The following ANK3 variants were observed in gnomAD, a reference collection of about 807,000 sequenced individuals.
ANK3 encodes ankyrin-3.
Under a neutral mutation model 370.9 loss-of-function variants are expected in ANK3, and 57 were observed. The ratio of observed to expected loss-of-function variants is 0.15; its 90% CI spans 0.12 to 0.19. The LOEUF (loss-of-function observed/expected upper bound fraction) is 0.19. ANK3 is among the 10% of genes least tolerant of loss of function. The probability of loss-of-function intolerance (pLI) is 1.00; values close to 1 mark genes in which losing one functional copy is unlikely to be tolerated. For synonymous variants in ANK3, 1,929 were observed against 1,946.3 expected (o/e 0.99, Z 0.23); for missense variants, 4,439 against 5,302.1 (o/e 0.84, Z 5.06).
At chr10:60,729,693 T>A (rs995723242) in intron 1 of ANK3, among the ~76,000 whole-genome samples, 2 of 152,188 alleles carry the variant, frequency 1.3e-5, no homozygotes, top group African/African-American at 4.8e-5. Flanking sequence ...TAGCCTCAGG[T>A]TATTAATATA....
In ANK3 at chr10:60,074,030, C is replaced by T. The variant is rs767414907; in HGVS notation, c.6851G>A (p.Arg2284Gln). The T allele has an allele frequency of 1.9e-5, 30 of 1,613,936 alleles. No homozygotes were observed. In the Admixed American group the frequency reaches 3.0e-4, roughly 16 times the overall value. Residue 2284 changes from arginine (R) to glutamine (Q), a missense_variant, in exon 37 of 44, where the codon CGG (arginine) becomes CAG (glutamine). This residue lies in a region of ANK3 where 1,601 missense variants were observed against 1,731.7 expected (regional missense o/e 0.92). Coordinates refer to ENST00000280772, the MANE Select transcript of ANK3 (RefSeq NM_020987.5). ...HDIMKAFQSG[R>Q]DPSKELAGLF... ...ACCTGCCAGTTCTTTGGAAGGATCC[C>T]GCCCGGACTGAAAGGCCTTCATGAT...
At chr10:60,555,550 A>G (rs976494554) in intron 2 of ANK3, among the ~76,000 whole-genome samples, 3 of 152,192 alleles carry the variant, frequency 2.0e-5, no homozygotes, top group Admixed American at 2.0e-4. Context: ...AACAAATTTA[A>G]AAGCATTCGG....
rs1054277567 is a variant in ANK3, at chr10:60,213,296, A to G, written c.996+116T>C. 4.2e-5 allele frequency: 27 copies of G among 645,518 alleles called. No individual in the cohort carries two copies. In the East Asian group the frequency reaches 7.3e-4, roughly 17 times the overall value. The allele number at this position is 645,518 out of a possible 1,614,324, so 40.0% of individuals were successfully genotyped here. A position where few individuals can be genotyped will look rare whatever the true frequency, so the allele number is the denominator to read the frequency against. ...GAGGTTCTATAAAGATCTGGTGAAC[A>G]TAACTACTCTGACTGCTACATTGAA... On this transcript the variant is annotated intron_variant, in intron 9 of 43. Transcript: ENST00000280772.
intron 2 of ANK3, among the ~76,000 whole-genome samples, chr10:60,414,214 T>G (rs1180032739): frequency 6.6e-6 from 1 of 152,158 alleles, no homozygotes; most frequent in East Asian, 1.9e-4. Context: ...ATGTAAAACA[T>G]GCCCACAAGA....
intron 1 of ANK3, among the ~76,000 whole-genome samples, chr10:60,679,368 A>G (rs1226300749): frequency 1.3e-5 from 2 of 152,158 alleles, no homozygotes; most frequent in Non-Finnish European, 2.9e-5. Context: ...TAAAATAAAA[A>G]TTGGTTGCAA....
intron 2 of ANK3, among the ~76,000 whole-genome samples, chr10:60,443,639 T>C (rs780622246): frequency 5.9e-5 from 9 of 152,126 alleles, no homozygotes; most frequent in Non-Finnish European, 1.3e-4. Flanking sequence ...AATATTGTAC[T>C]AAAAAAGATG....
In ANK3 at chr10:60,702,673, T is replaced by C. The variant is rs963696941; in HGVS notation, c.57+30590A>G. ...AGTGGATATAAGAGATCTTCTCTTA[T>C]AGAAGCATTTCGGCTAATAAAGAAA... On this transcript the variant is annotated intron_variant, in intron 1 of 43. Transcript: ENST00000373827. Among the ~76,000 whole-genome samples, 44 of 152,178 alleles carry C rather than the reference T, an allele frequency of 2.9e-4. 1 individual carries two copies. The highest frequency in any genetic ancestry group is 5.9e-5 in the Non-Finnish European group (4 of 68,038).
At chr10:60,207,718 T>C (rs2096786657) in intron 10 of ANK3, among the ~76,000 whole-genome samples, 1 of 152,216 alleles carries the variant, frequency 6.6e-6, no homozygotes, top group Non-Finnish European at 1.5e-5. Flanking sequence ...AAACTTTTAA[T>C]TCACAGAATT....
chr10:60,142,279 A>G (rs1393634935), intron 23 of ANK3, among the ~76,000 whole-genome samples: 1 of 152,074 alleles, frequency 6.6e-6, no homozygotes, highest in Admixed American at 6.6e-5. Flanking sequence ...TGGAAACTTT[A>G]TCGTTTTTTC....
chr10:60,275,605 A>C (rs1410033658), intron 4 of ANK3, among the ~76,000 whole-genome samples: 1 of 152,148 alleles, frequency 6.6e-6, no homozygotes, highest in Non-Finnish European at 1.5e-5. Flanking sequence ...ACAGAGGCTC[A>C]ATCTGAACCA....
In ANK3 at chr10:60,397,497, C is replaced by T. The variant is rs79573981; in HGVS notation, c.97-117858G>A. On this transcript the variant is annotated intron_variant, in intron 2 of 43. Coordinates refer to the ANK3 transcript ENST00000373827. ...AATAAGCAATGTCTATGAAGCAAGA[C>T]GGACATCACAGAGAACAAAAACATT... Among the ~76,000 whole-genome samples the T allele has an allele frequency of 6.4e-3, 976 of 152,234 alleles. 6 individuals carry two copies. The highest frequency in any genetic ancestry group is 0.019 in the African/African-American group (781 of 41,532).
intron 1 of ANK3, among the ~76,000 whole-genome samples, chr10:60,665,360 C>T: frequency 6.6e-6 from 1 of 152,200 alleles, no homozygotes; most frequent in East Asian, 1.9e-4. Context: ...GATGCTAAAA[C>T]ATGCTCGTCA....
At chr10:60,258,953 T>C (rs1363669368) in intron 7 of ANK3, among the ~76,000 whole-genome samples, 1 of 152,210 alleles carries the variant, frequency 6.6e-6, no homozygotes, top group African/African-American at 2.4e-5. Context: ...TGGTTACAAT[T>C]TGCAGCCAAT....
At chr10:60,466,136 A>C (rs1288322551) in intron 2 of ANK3, among the ~76,000 whole-genome samples, 1 of 152,166 alleles carries the variant, frequency 6.6e-6, no homozygotes, top group African/African-American at 2.4e-5. Context: ...TATTTATGAA[A>C]AACGGGTATA....
intron 1 of ANK3, among the ~76,000 whole-genome samples, chr10:60,316,903 C>T (rs886370492): frequency 6.6e-5 from 10 of 151,976 alleles, no homozygotes; most frequent in South Asian, 2.1e-4. Flanking sequence ...CCCGCCACCA[C>T]GCCCAACTAA....
At chr10:60,443,037 T>C (rs997468674) in intron 2 of ANK3, among the ~76,000 whole-genome samples, 5 of 152,230 alleles carry the variant, frequency 3.3e-5, no homozygotes, top group African/African-American at 1.2e-4. Flanking sequence ...CATCAGCACA[T>C]CAAGTTTCAA....
chr10:60,577,503 T>A (rs2077697871), intron 2 of ANK3, among the ~76,000 whole-genome samples: 1 of 152,020 alleles, frequency 6.6e-6, no homozygotes, highest in South Asian at 2.1e-4. Context: ...AGTGAATAAG[T>A]CTCATGAGAT....
chr10:60,039,748 G>C lies in ANK3; in HGVS notation c.*19+2924C>G, dbSNP rs149365487. The stretch of plus-strand genomic sequence containing the variant: ...GGGGGATAGTTGTATTTACCTTATA[G>C]CATTGTTTTGGGGATTTCCTAAGGT... On this transcript the variant is annotated intron_variant, in intron 43 of 43. Coordinates refer to ENST00000280772, the MANE Select transcript of ANK3 (RefSeq NM_020987.5). Among the ~76,000 whole-genome samples, 507 of 152,082 alleles carry C rather than the reference G, an allele frequency of 3.3e-3. 6 individuals are homozygous for C. Among genetic ancestry groups the C allele is most frequent in the African/African-American group, 0.012 (489 of 41,486 alleles).
chr10:60,214,714 G>A (rs1441404293), intron 8 of ANK3, among the ~76,000 whole-genome samples: 2 of 152,162 alleles, frequency 1.3e-5, no homozygotes, highest in African/African-American at 4.8e-5. Flanking sequence ...TGGCTGCATA[G>A]TATTCCATGA....
Sources: gnomAD v4.1 joint callset for allele counts (sites outside exome capture counted in the v4.1 genomes callset) on GRCh38, gnomAD v4.1.1 for gene constraint, gnomAD v4.1.1 regional missense constraint, MANE v1.5 for transcripts, NCBI Gene and HGNC (gene_info 2026-07-23, HGNC 2026-07-21) for gene names.